The following CDH13 variants were observed in gnomAD, a reference collection of about 807,000 sequenced individuals.
The protein encoded by CDH13 is cadherin 13.
In CDH13, 24 loss-of-function variants were observed where a neutral mutation model predicts 63.8. The observed-to-expected ratio is 0.38, with a 90% CI of 0.27 to 0.53. CDH13 has a LOEUF of 0.53. Ranked by LOEUF, CDH13 falls within the 20% of genes least tolerant of loss-of-function variation. The pLI is 0.85. For missense variants in CDH13, 1,049 were observed against 903.1 expected (o/e 1.16, Z -2.07); for synonymous variants, 503 against 355.3 (o/e 1.42, Z -4.67).
chr16:83,431,060 A>G (rs1360380706), intron 6 of CDH13, among the ~76,000 whole-genome samples: 5 of 148,442 alleles, frequency 3.4e-5, no homozygotes, highest in Non-Finnish European at 5.9e-5. Context: ...GAGTGAGAGT[A>G]TGCAGTGTTT....
At chr16:82,741,495 G>C (rs1386212321) in intron 1 of CDH13, among the ~76,000 whole-genome samples, 4 of 152,202 alleles carry the variant, frequency 2.6e-5, no homozygotes, top group Non-Finnish European at 5.9e-5. Context: ...ACTGGAATTA[G>C]TCATTCATGC....
At chr16:82,834,016 C>G (rs2038657343) in intron 1 of CDH13, among the ~76,000 whole-genome samples, 1 of 152,194 alleles carries the variant, frequency 6.6e-6, no homozygotes. Context: ...CCATGACTAT[C>G]TCATTTTTAA....
At chr16:83,517,600 G>A (rs895552105) in intron 7 of CDH13, among the ~76,000 whole-genome samples, 1 of 152,164 alleles carries the variant, frequency 6.6e-6, no homozygotes, top group Non-Finnish European at 1.5e-5. Context: ...CTGAAGGGAG[G>A]GTGAGAAATG....
intron 6 of CDH13, among the ~76,000 whole-genome samples, chr16:83,359,507 A>G (rs982568158): frequency 1.3e-5 from 2 of 152,184 alleles, no homozygotes; most frequent in African/African-American, 4.8e-5. Flanking sequence ...CTAGAGACCC[A>G]TGGAGCTGAA....
chr16:83,591,395 A>G (rs1244061053), intron 7 of CDH13, among the ~76,000 whole-genome samples: 1 of 152,212 alleles, frequency 6.6e-6, no homozygotes, highest in Non-Finnish European at 1.5e-5. Flanking sequence ...CCTTGTCTGA[A>G]TCTAACAGAT....
intron 1 of CDH13, among the ~76,000 whole-genome samples, chr16:82,710,552 A>AATATATATATATATATATATAT (rs1555537840): frequency 1.1e-4 from 7 of 63,768 alleles, no homozygotes; most frequent in South Asian, 4.4e-4. Flanking sequence ...AAAAAAAAAA[A>AATATATATATATATATATATAT]ATATATATAT....
intron 6 of CDH13, among the ~76,000 whole-genome samples, chr16:83,417,704 A>C (rs1343369347): frequency 6.6e-6 from 1 of 152,216 alleles, no homozygotes; most frequent in Non-Finnish European, 1.5e-5. Context: ...GGCTCCTCTT[A>C]CGAAGCAGAC....
intron 2 of CDH13, among the ~76,000 whole-genome samples, chr16:83,005,383 C>T (rs1023101620): frequency 1.3e-5 from 2 of 152,208 alleles, no homozygotes; most frequent in African/African-American, 4.8e-5. Flanking sequence ...TTCCTTACCT[C>T]CTGTAACCTG....
At chr16:83,452,543 A>T (rs2072912514) in intron 6 of CDH13, among the ~76,000 whole-genome samples, 1 of 151,830 alleles carries the variant, frequency 6.6e-6, no homozygotes, top group Non-Finnish European at 1.5e-5. Flanking sequence ...TGTTTGGTTG[A>T]TGTTTTCGTT....
intron 7 of CDH13, among the ~76,000 whole-genome samples, chr16:83,505,322 T>A (rs1432785564): frequency 6.6e-6 from 1 of 152,158 alleles, no homozygotes; most frequent in Non-Finnish European, 1.5e-5. Context: ...TAGTGTACGC[T>A]GGACAACACT....
intron 4 of CDH13, among the ~76,000 whole-genome samples, chr16:83,152,545 T>C (rs1392591625): frequency 6.6e-6 from 1 of 152,216 alleles, no homozygotes; most frequent in Non-Finnish European, 1.5e-5. Flanking sequence ...TCTATATTTA[T>C]TTGACTTCTT....
At chr16:83,289,873 G>C (rs2089422463) in intron 5 of CDH13, among the ~76,000 whole-genome samples, 1 of 152,180 alleles carries the variant, frequency 6.6e-6, no homozygotes, top group African/African-American at 2.4e-5. Context: ...TTTGTGGGCT[G>C]TACTTTCATC....
In CDH13 at chr16:83,226,186, A is replaced by G. The variant is rs563096773; in HGVS notation, c.636+8689A>G. The stretch of plus-strand genomic sequence containing the variant: ...TTCCAGTTCGTCTCTTCGTATTTCC[A>G]AGCACTTCATTTTATTACAACCCGG... On this transcript the variant is annotated intron_variant, in intron 5 of 13. Transcript: ENST00000567109. Among the ~76,000 whole-genome samples the G allele has an allele frequency of 2.6e-5, 4 of 152,230 alleles. No individual in the cohort carries two copies. The East Asian group carries it at 7.7e-4, about 29-fold the overall frequency.
chr16:83,522,576 G>A (rs1233483994), intron 7 of CDH13, among the ~76,000 whole-genome samples: 3 of 152,136 alleles, frequency 2.0e-5, no homozygotes, highest in Non-Finnish European at 4.4e-5. Context: ...GCCAATAAAT[G>A]TCTAGTTTTA....
intron 2 of CDH13, among the ~76,000 whole-genome samples, chr16:82,990,499 A>C (rs1055353078): frequency 4.6e-5 from 7 of 151,798 alleles, no homozygotes; most frequent in African/African-American, 1.7e-4. Flanking sequence ...CAAGGAAGCC[A>C]AAAGCTTCCA....
In CDH13 at chr16:82,869,711, C is replaced by A. The variant is rs150784098; in HGVS notation, c.157+11238C>A. 8.9e-3 allele frequency among the ~76,000 whole-genome samples: 1,360 copies of A among 152,166 alleles called. 28 individuals are homozygous for A. The highest frequency in any genetic ancestry group is 0.032 in the African/African-American group (1,316 of 41,528). On this transcript the variant is annotated intron_variant, in intron 2 of 13. Transcript: ENST00000567109. ...GTGAACTCATTTTTGACAAAGGTGC[C>A]AAGAACATACCTTGGGGAAAGGACA...
rs192028959 is a variant in CDH13, at chr16:83,373,704, G to A, written c.781+28698G>A. Among the ~76,000 whole-genome samples the A allele has an allele frequency of 1.1e-3, 164 of 152,338 alleles. 1 individual carries two copies. Among genetic ancestry groups the A allele is most frequent in the African/African-American group, 3.5e-3 (145 of 41,556 alleles). On this transcript the variant is annotated intron_variant, in intron 6 of 13. Transcript: ENST00000567109. Reference sequence around the variant, plus strand: ...GTTAAGAGAGGCAGCTTTGAAACCAGACTTCTTGGATTTGAATCTCCGCTT... The same window carrying A: ...GTTAAGAGAGGCAGCTTTGAAACCAAACTTCTTGGATTTGAATCTCCGCTT...
At position 82,991,202 on chromosome 16, in the gene CDH13, A is replaced by C. The variant is rs1272196464; in HGVS notation, c.158-40808A>C. 2.0e-5 allele frequency among the ~76,000 whole-genome samples: 3 copies of C among 152,238 alleles called. No individual in the cohort carries two copies. The East Asian group carries it at 5.8e-4, about 29-fold the overall frequency. On this transcript the variant is annotated intron_variant, in intron 2 of 13. Transcript: ENST00000567109. ...CAAACTAATAGCAACATGTCTACCAAGAGTGCATTATTAATGACACATTCA... is the reference window on the plus strand; with the variant it reads ...CAAACTAATAGCAACATGTCTACCACGAGTGCATTATTAATGACACATTCA...
chr16:83,132,931 G>C (rs187967201), intron 4 of CDH13, among the ~76,000 whole-genome samples: 169 of 152,216 alleles, frequency 1.1e-3, no homozygotes, highest in African/African-American at 3.7e-3. Flanking sequence ...CCAAGTCTTT[G>C]AACTGTCAGT....
Sources: allele counts gnomAD v4.1 joint callset (sites outside exome capture counted in the v4.1 genomes callset), GRCh38; gene constraint gnomAD v4.1.1; transcripts MANE v1.5; gene names NCBI Gene and HGNC (gene_info 2026-07-23, HGNC 2026-07-21).